MED23: variants seen among roughly 807,000 people sequenced by gnomAD.
The protein encoded by MED23 is mediator complex subunit 23, also known as mediator of RNA polymerase II transcription subunit 23.
A neutral mutation model predicts 163.9 loss-of-function variants in MED23; 105 were observed. That is an observed-to-expected ratio of 0.64 (90% CI 0.55 to 0.75). The LOEUF (loss-of-function observed/expected upper bound fraction) is 0.75. Ranked by LOEUF, MED23 falls within the 30% of genes least tolerant of loss-of-function variation. The pLI, the probability that MED23 is intolerant of heterozygous loss-of-function variation, is 0.00. For synonymous variants in MED23, 561 were observed against 565.6 expected, an observed-to-expected ratio of 0.99 and a Z score of 0.12; for missense variants, 1,054 against 1,649.0, an observed-to-expected ratio of 0.64 and a Z score of 6.25.
rs140922186 is a variant in MED23 at position 131,615,895 on chromosome 6, A to G, written c.876+12T>C. ...ATGCAGAATTTACTAGGTTTCCAGC[A>G]TAGTACAGTACCTGCTTATTTAAAC... On this transcript the variant is annotated intron_variant, in intron 10 of 28. Coordinates refer to ENST00000368068, the MANE Select transcript of MED23 (RefSeq NM_004830.4). 1 of 1,595,472 alleles carries G rather than the reference A, an allele frequency of 6.3e-7. No homozygotes were observed. Among genetic ancestry groups the G allele is most frequent in the East Asian group, 2.2e-5 (1 of 44,740 alleles).
Position 131,576,689 on chromosome 6 carries a change from T to C in MED23, c.4096-2394A>G. 1 of 1,614,108 alleles carries C rather than the reference T, an allele frequency of 6.2e-7. No homozygotes were observed. Among genetic ancestry groups the C allele is most frequent in the Middle Eastern group, 1.6e-4 (1 of 6,062 alleles). On this transcript the variant is annotated intron_variant, in intron 30 of 30. Coordinates refer to the MED23 transcript ENST00000354577. ...CACGAGGAGGGGTGGAAGAAGGCCC[T>C]ACAGTATTGAGAAAGGCTGGTCTGC...
chr6:131,594,095 A>G lies in MED23; in HGVS notation c.3232+4T>C. On this transcript the variant is annotated splice_donor_region_variant and intron_variant, in intron 23 of 28. Coordinates refer to ENST00000368068, the MANE Select transcript of MED23 (RefSeq NM_004830.4). ...GGAGTCTAAAATCACAATAAAAAGG[A>G]TATTATCGACTAGTCTGCCAATCAA... The G allele has an allele frequency of 6.2e-7, 1 of 1,600,222 alleles. No individual in the cohort carries two copies. Among genetic ancestry groups the G allele is most frequent in the Non-Finnish European group, 8.6e-7 (1 of 1,167,778 alleles).
intron 3 of MED23, among the ~76,000 whole-genome samples, chr6:131,626,122 CAA>C (rs138561737): frequency 1.3e-4 from 8 of 59,674 alleles, no homozygotes; most frequent in Admixed American, 1.9e-4. Flanking sequence ...ACTCTGTCTC[CAA>C]AAAAAAAAAA....
At position 131,586,893 on chromosome 6, in the gene MED23, A is replaced by AAAATT. The variant is rs2114562562; in HGVS notation, c.*785_*786insAATTT. ...TATAAAATTTAAAAATTTTAAGATT[A>AAAATT]TAAAAATTGAAGAATTACATCATCT... On this transcript the variant is annotated 3_prime_UTR_variant, in exon 29 of 29. Coordinates refer to ENST00000368068, the MANE Select transcript of MED23 (RefSeq NM_004830.4). 1 of 1,450,234 alleles carries AAAATT rather than the reference A, an allele frequency of 6.9e-7. No individual in the cohort carries two copies. Among genetic ancestry groups the AAAATT allele is most frequent in the East Asian group, 2.5e-5 (1 of 39,798 alleles). 89.8% of individuals were successfully genotyped at this position (1,450,234 alleles called of 1,614,324 possible). A position where few individuals can be genotyped will look rare whatever the true frequency, so the allele number is the denominator to read the frequency against.
At chr6:131,581,523 G>C in intron 30 of MED23, 3 of 959,468 alleles carry the variant, frequency 3.1e-6, no homozygotes, top group Non-Finnish European at 4.7e-6. Flanking sequence ...CAAAGGGTTG[G>C]TTGATAAAAG....
At chr6:131,582,757 C>T (rs756314681), downstream of MED23, 2 of 1,562,100 alleles carry the variant, frequency 1.3e-6, no homozygotes, top group African/African-American at 1.4e-5. Context: ...ATTTTTGTCC[C>T]TTTGTGTGCT....
intron 24 of MED23, 71 bp from the exon 25 acceptor site, chr6:131,592,531 T>A: frequency 7.7e-7 from 1 of 1,306,364 alleles, no homozygotes; most frequent in Non-Finnish European, 1.1e-6. Flanking sequence ...ACGGATCTTA[T>A]TTTTAAAGAA....
At chr6:131,586,021 A>G (rs1585435916), downstream of MED23, among the ~76,000 whole-genome samples, 1 of 152,350 alleles carries the variant, frequency 6.6e-6, no homozygotes, top group East Asian at 1.9e-4. Flanking sequence ...AAATTCCTCA[A>G]GGCAGCAAGA....
At chr6:131,625,556 G>T (rs1006694927) in intron 3 of MED23, among the ~76,000 whole-genome samples, 1 of 152,164 alleles carries the variant, frequency 6.6e-6, no homozygotes, top group Non-Finnish European at 1.5e-5. Flanking sequence ...AGCCTATAAT[G>T]TTCTGCTTCT....
chr6:131,601,995 A>T (rs1275830400), intron 17 of MED23, among the ~76,000 whole-genome samples: 1 of 152,186 alleles, frequency 6.6e-6, no homozygotes, highest in African/African-American at 2.4e-5. Context: ...TACTACTTTA[A>T]AATTATGGAT....
At chr6:131,611,507 C>T (rs1442153226) in intron 10 of MED23, among the ~76,000 whole-genome samples, 1 of 152,108 alleles carries the variant, frequency 6.6e-6, no homozygotes, top group Admixed American at 6.6e-5. Flanking sequence ...TACTTTTCCT[C>T]CAAATGTAAT....
chr6:131,624,051 G>A (rs1364567585), intron 4 of MED23, among the ~76,000 whole-genome samples: 1 of 152,192 alleles, frequency 6.6e-6, no homozygotes, highest in Non-Finnish European at 1.5e-5. Flanking sequence ...CTAGAAAGAA[G>A]TCTATCTAAA....
chr6:131,611,993 A>G (rs1776309717), intron 10 of MED23, among the ~76,000 whole-genome samples: 1 of 152,162 alleles, frequency 6.6e-6, no homozygotes, highest in Admixed American at 6.5e-5. Context: ...TTTAAAAGGA[A>G]AGCAAAAATA....
chr6:131,607,007 C>A (rs1440737857), intron 12 of MED23, among the ~76,000 whole-genome samples: 1 of 151,888 alleles, frequency 6.6e-6, no homozygotes, highest in Non-Finnish European at 1.5e-5. Context: ...TTCTAAAAGT[C>A]TCATAATAAT....
chr6:131,590,183 C>T, intron 27 of MED23, 139 bp downstream of exon 27: 1 of 752,914 alleles, frequency 1.3e-6, no homozygotes, highest in South Asian at 1.6e-5. Flanking sequence ...ACTAAGTCCT[C>T]TAAAATTGCT....
At chr6:131,581,542 GCTCT>G (rs1562359317) in intron 30 of MED23, among the ~76,000 whole-genome samples, 3 of 152,262 alleles carry the variant, frequency 2.0e-5, no homozygotes, top group Admixed American at 6.5e-5. Context: ...AGGCAGTGAG[GCTCT>G]CTATCTCTGC....
rs1774526097 is a variant in MED23 at position 131,590,528 on chromosome 6, C to A, written c.3687-86G>T. On this transcript the variant is annotated intron_variant, in intron 26 of 28. Transcript: ENST00000368068. Reference sequence around the variant, plus strand: ...TTCATACAGTATATACAAAGTATTACAATAAAATATAATTTTTTAAAGTTC... The same window carrying A: ...TTCATACAGTATATACAAAGTATTAAAATAAAATATAATTTTTTAAAGTTC... The A allele has an allele frequency of 8.1e-6, 7 of 867,798 alleles. No homozygotes were observed. The South Asian group carries it at 1.0e-4, about 13-fold the overall frequency. 53.8% of individuals were successfully genotyped at this position (867,798 alleles called of 1,614,324 possible).
At chr6:131,618,315 A>T in intron 9 of MED23, 92 bp downstream of exon 9, 1 of 847,718 alleles carries the variant, frequency 1.2e-6, no homozygotes, top group South Asian at 1.4e-5. Context: ...ACTTCTTCAG[A>T]TTATGAAGCA....
At chr6:131,625,065 A>T in intron 3 of MED23, 76 bp from the exon 4 acceptor site, 7 of 1,416,260 alleles carry the variant, frequency 4.9e-6, no homozygotes, top group South Asian at 1.2e-5. Context: ...CTACAACTGG[A>T]AGTATACCAA....
Sources: allele counts gnomAD v4.1 joint callset (sites outside exome capture counted in the v4.1 genomes callset), GRCh38; gene constraint gnomAD v4.1.1; transcripts MANE v1.5; gene names NCBI Gene and HGNC (gene_info 2026-07-23, HGNC 2026-07-21).